Variants in ARHGEF28 observed in about 807,000 individuals in gnomAD.
ARHGEF28 encodes the protein Rho guanine nucleotide exchange factor 28.
In ARHGEF28, 152 loss-of-function variants were observed where a neutral mutation model predicts 206.6. The ratio of observed to expected loss-of-function variants is 0.74; its 90% CI spans 0.64 to 0.84. The LOEUF is 0.84. ARHGEF28 is among the 40% of genes least tolerant of loss of function. ARHGEF28 has a pLI of 0.00. For missense variants in ARHGEF28, 2,028 were observed against 2,073.2 expected, an observed-to-expected ratio of 0.98 and a Z score of 0.42; for synonymous variants, 763 against 776.4, an observed-to-expected ratio of 0.98 and a Z score of 0.29.
intron 2 of ARHGEF28, among the ~76,000 whole-genome samples, chr5:73,693,636 A>C (rs963129871): frequency 1.6e-4 from 25 of 152,206 alleles, no homozygotes; most frequent in Admixed American, 1.3e-4. Context: ...TCACGTGTTT[A>C]CTTTGTGCAA....
chr5:73,884,396 G>T (rs1440128352), intron 24 of ARHGEF28, among the ~76,000 whole-genome samples: 1 of 152,208 alleles, frequency 6.6e-6, no homozygotes, highest in Non-Finnish European at 1.5e-5. Flanking sequence ...TAAGCTCCTT[G>T]TGGGATCTAT....
chr5:73,779,801 A>G (rs1317459490), intron 6 of ARHGEF28, among the ~76,000 whole-genome samples: 3 of 152,178 alleles, frequency 2.0e-5, no homozygotes, highest in Non-Finnish European at 2.9e-5. Context: ...GGGGTGGGCA[A>G]CCAGGCACTT....
intron 22 of ARHGEF28, among the ~76,000 whole-genome samples, chr5:73,874,673 G>T (rs908533844): frequency 6.7e-6 from 1 of 149,114 alleles, no homozygotes; most frequent in Non-Finnish European, 1.5e-5. Context: ...GCGGTGTTTG[G>T]TTTTTTGTCC....
At chr5:73,736,516 A>G (rs1750945961) in intron 2 of ARHGEF28, among the ~76,000 whole-genome samples, 1 of 152,222 alleles carries the variant, frequency 6.6e-6, no homozygotes, top group African/African-American at 2.4e-5. Context: ...TTAGAATGGT[A>G]CTTGGTACAT....
At chr5:73,846,007 A>AAG (rs1554070214) in intron 11 of ARHGEF28, among the ~76,000 whole-genome samples, 6 of 138,864 alleles carry the variant, frequency 4.3e-5, no homozygotes, top group Middle Eastern at 3.5e-3. Flanking sequence ...AAAAAAAAAA[A>AAG]AAAGAAAGAA....
chr5:73,893,046 G>C (rs1156432985), intron 27 of ARHGEF28, 151 bp from the exon 28 acceptor site: 5 of 572,042 alleles, frequency 8.7e-6, no homozygotes, highest in Non-Finnish European at 1.5e-5. Context: ...AGAAAACCAA[G>C]TCTCTGGCCA....
At position 73,911,270 on chromosome 5, in the gene ARHGEF28, C is replaced by T. The variant is rs1168758976; in HGVS notation, c.4648-5C>T. On this transcript the variant is annotated splice_polypyrimidine_tract_variant and splice_region_variant and intron_variant, in intron 34 of 35. Coordinates refer to ENST00000513042, the MANE Select transcript of ARHGEF28 (RefSeq NM_001177693.2). ...ATTGTACTTTTCCTCTGTTTCTTTA[C>T]ACAGGTAATGGAACTTAATCGATCT... 1 of 1,572,458 alleles carries T rather than the reference C, an allele frequency of 6.4e-7. No homozygotes were observed. Among genetic ancestry groups the T allele is most frequent in the Admixed American group, 1.9e-5 (1 of 54,000 alleles).
At position 73,658,284 on chromosome 5, in the gene ARHGEF28, G is replaced by A. The variant is rs181073416; in HGVS notation, c.-11-26557G>A. On this transcript the variant is annotated intron_variant, in intron 1 of 35. Coordinates refer to ENST00000513042, the MANE Select transcript of ARHGEF28 (RefSeq NM_001177693.2). ...TTCATTACCTGGCATTGGCTGTTTC[G>A]CCCTGTGCTTCTTCTGATAGACTAA... 6.6e-5 allele frequency among the ~76,000 whole-genome samples: 10 copies of A among 152,010 alleles called. No individual in the cohort carries two copies. In the East Asian group the frequency reaches 7.7e-4, roughly 12 times the overall value.
intron 1 of ARHGEF28, among the ~76,000 whole-genome samples, chr5:73,667,553 T>C (rs1746034051): frequency 6.6e-6 from 1 of 152,214 alleles, no homozygotes; most frequent in African/African-American, 2.4e-5. Context: ...CATTCTCCCA[T>C]CATCTTGATG....
intron 9 of ARHGEF28, among the ~76,000 whole-genome samples, chr5:73,830,350 G>A (rs1055821461): frequency 2.0e-5 from 3 of 151,868 alleles, no homozygotes; most frequent in Admixed American, 6.6e-5. Context: ...TCAGAAGGTC[G>A]AGACCATCCT....
In ARHGEF28 at chr5:73,873,176, G is replaced by A. The variant is rs1183538173; in HGVS notation, c.2744G>A (p.Arg915Lys). ...RHFFYSMKER[R>K]QESCAGSDRN... ...TTCTTCTACAGTATGAAGGAACGAA[G>A]GCAGGAATCCTGTGCTGGCAGCGAC... The change falls in exon 22 of 36, where the codon AGG becomes AAG. Residue 915 changes from arginine (R) to lysine (K), a missense_variant. Arg to Lys is a conservative substitution (Grantham distance 26). Transcript: ENST00000513042. 4 of 1,612,284 alleles carry A rather than the reference G, an allele frequency of 2.5e-6. No individual in the cohort carries two copies. In the East Asian group the frequency reaches 6.7e-5, roughly 27 times the overall value.
At chr5:73,771,773 C>T (rs966080442) in intron 4 of ARHGEF28, among the ~76,000 whole-genome samples, 13 of 152,098 alleles carry the variant, frequency 8.5e-5, no homozygotes, top group Admixed American at 7.9e-4. Flanking sequence ...AAAAACCTCA[C>T]TTTTTATTCA....
chr5:73,745,959 A>G (rs952995), intron 2 of ARHGEF28, among the ~76,000 whole-genome samples: 113,708 of 151,938 alleles, frequency 0.75, 42,787 homozygotes, highest in Non-Finnish European at 0.76. Flanking sequence ...TATGAAAGTG[A>G]GCAATAAATT....
At chr5:73,835,286 A>T (rs1321261002) in intron 10 of ARHGEF28, 1 of 152,246 alleles carries the variant, frequency 6.6e-6, no homozygotes, top group Non-Finnish European at 1.5e-5. Context: ...CCTGGCTAAC[A>T]TGGTGAAACC....
At chr5:73,879,356 T>A (rs534566086) in intron 22 of ARHGEF28, among the ~76,000 whole-genome samples, 1 of 152,324 alleles carries the variant, frequency 6.6e-6, no homozygotes, top group Non-Finnish European at 1.5e-5. Context: ...TCAACTTCTT[T>A]GCCTTTGGTT....
Position 73,868,094 on chromosome 5 carries a change from T to C in ARHGEF28, c.2298-6T>C. The C allele has an allele frequency of 1.2e-6, 2 of 1,612,644 alleles. No homozygotes were observed. Among genetic ancestry groups the C allele is most frequent in the Non-Finnish European group, 1.7e-6 (2 of 1,179,312 alleles). ...GGCTAACTTTGCTCCCCTCCCTCTC[T>C]CCTAGCTTCAGGAGGTCAGCCACAT... On this transcript the variant is annotated splice_region_variant and splice_polypyrimidine_tract_variant and intron_variant, in intron 19 of 35. Transcript: ENST00000513042.
intron 1 of ARHGEF28, among the ~76,000 whole-genome samples, chr5:73,680,096 G>T (rs1746967222): frequency 6.6e-6 from 1 of 151,980 alleles, no homozygotes; most frequent in African/African-American, 2.4e-5. Context: ...CCTTACCAGT[G>T]GTTGTACTTG....
chr5:73,820,901 C>T (rs1756545007), intron 9 of ARHGEF28, among the ~76,000 whole-genome samples: 1 of 152,104 alleles, frequency 6.6e-6, no homozygotes, highest in South Asian at 2.1e-4. Flanking sequence ...TGGTTGTCCT[C>T]ATGATGGTGA....
At chr5:73,782,133 A>T (rs1308530034) in intron 7 of ARHGEF28, among the ~76,000 whole-genome samples, 2 of 20,084 alleles carry the variant, frequency 1.0e-4, no homozygotes, top group Non-Finnish European at 1.9e-4. Flanking sequence ...CATGTTTGTT[A>T]AAAAAAAAAA....
Sources: allele counts gnomAD v4.1 joint callset (sites outside exome capture counted in the v4.1 genomes callset), GRCh38; gene constraint gnomAD v4.1.1; transcripts MANE v1.5; gene names NCBI Gene and HGNC (gene_info 2026-07-23, HGNC 2026-07-21).